The following BMPR2 variants were observed in gnomAD, a reference collection of about 807,000 sequenced individuals.
BMPR2 encodes bone morphogenetic protein receptor type 2.
BMPR2 carries 29 observed loss-of-function variants against 100.8 expected under a neutral mutation model. The observed-to-expected ratio is 0.29, with a 90% CI of 0.21 to 0.39. The LOEUF is 0.39. BMPR2 is among the 10% of genes least tolerant of loss of function. The pLI, the probability that BMPR2 is intolerant of heterozygous loss-of-function variation, is 1.00. For missense variants in BMPR2, 1,011 were observed against 1,274.5 expected (o/e 0.79, Z 3.15); for synonymous variants, 382 against 442.3 (o/e 0.86, Z 1.71).
At chr2:202,531,381 G>A (rs1263657881) in intron 8 of BMPR2, among the ~76,000 whole-genome samples, 2 of 152,002 alleles carry the variant, frequency 1.3e-5, no homozygotes, top group African/African-American at 4.8e-5. Context: ...ATCTCATAAA[G>A]GCCTTTGTAA....
At chr2:202,523,557 A>C (rs1687855729) in intron 7 of BMPR2, among the ~76,000 whole-genome samples, 1 of 152,118 alleles carries the variant, frequency 6.6e-6, no homozygotes, top group Non-Finnish European at 1.5e-5. Context: ...TAATCCCAGC[A>C]CTTTGGGAGG....
chr2:202,556,791 T>TA (rs1176201671), intron 12 of BMPR2, among the ~76,000 whole-genome samples: 2 of 147,828 alleles, frequency 1.4e-5, no homozygotes, highest in Non-Finnish European at 3.0e-5. Context: ...TACTAAAAAA[T>TA]AAAAAAAATT....
At chr2:202,486,404 G>C (rs914490978) in intron 3 of BMPR2, among the ~76,000 whole-genome samples, 10 of 152,090 alleles carry the variant, frequency 6.6e-5, no homozygotes, top group Non-Finnish European at 1.5e-4. Flanking sequence ...CAAGGCAAGC[G>C]GATCACTTGA....
chr2:202,510,159 C>G (rs903941436), intron 3 of BMPR2, among the ~76,000 whole-genome samples: 1 of 152,150 alleles, frequency 6.6e-6, no homozygotes, highest in African/African-American at 2.4e-5. Context: ...TGGCTTATGC[C>G]TATAATCCCA....
intron 3 of BMPR2, among the ~76,000 whole-genome samples, chr2:202,502,135 T>G (rs1192803317): frequency 2.6e-5 from 4 of 152,254 alleles, no homozygotes; most frequent in African/African-American, 9.6e-5. Context: ...ATAGCAAGTA[T>G]GCTTATCTAA....
chr2:202,465,161 G>A (rs978482319), intron 2 of BMPR2, among the ~76,000 whole-genome samples, 182 bp downstream of exon 2: 2 of 152,112 alleles, frequency 1.3e-5, no homozygotes, highest in Admixed American at 6.6e-5. Context: ...TGAGGTGGGC[G>A]GATCACTTGA....
intron 10 of BMPR2, among the ~76,000 whole-genome samples, chr2:202,551,862 ATTTTTT>A (rs35621004): frequency 7.7e-6 from 1 of 130,384 alleles, no homozygotes; most frequent in South Asian, 2.5e-4. Context: ...ATGCTGGCTA[ATTTTTT>A]TTTTTTTTTT....
At chr2:202,547,941 C>T (rs1171136723) in intron 10 of BMPR2, among the ~76,000 whole-genome samples, 1 of 151,514 alleles carries the variant, frequency 6.6e-6, no homozygotes, top group African/African-American at 2.4e-5. Context: ...AAAAATTAGC[C>T]GGACATGGTG....
rs987263575 is a variant in BMPR2, at chr2:202,457,330, GT to G, written c.77-7469del. On this transcript the variant is annotated intron_variant, in intron 1 of 12. Transcript: ENST00000374580. ...TATTCATTGCTTCAGATGATTAAGG[GT>G]TTTTTTTTTGTGCTCAGCCTTAATA... 7.9e-3 allele frequency among the ~76,000 whole-genome samples: 1,148 copies of G among 145,532 alleles called. 2 individuals carry two copies. The highest frequency in any genetic ancestry group is 0.023 in the East Asian group (117 of 4,996).
chr2:202,405,687 CAAAA>C (rs397987374), intron 1 of BMPR2, among the ~76,000 whole-genome samples: 5 of 62,328 alleles, frequency 8.0e-5, no homozygotes, highest in Non-Finnish European at 1.2e-4. Context: ...GACTCCGCCT[CAAAA>C]AAAAAAAAAA....
Position 202,555,707 on chromosome 2 carries a change from C to A in BMPR2, c.2042C>A (p.Ser681Tyr). The A allele has an allele frequency of 6.2e-7, 1 of 1,614,142 alleles. No individual in the cohort carries two copies. The highest frequency in any genetic ancestry group is 8.5e-7 in the Non-Finnish European group (1 of 1,180,038). ...GTTGATAAGAACCTCAAGGAAAGCT[C>A]TGATGAGAATCTCATGGAGCACTCT... ...KEVDKNLKES[S>Y]DENLMEHSLK... The change falls in exon 12 of 13, where the codon TCT (serine) becomes TAT (tyrosine). Residue 681 changes from serine (S) to tyrosine (Y), a missense_variant. Physicochemically the swap from Ser to Tyr is moderately radical, Grantham distance 144. Transcript: ENST00000374580.
chr2:202,564,666 G>A lies in BMPR2; in HGVS notation c.*4720G>A, dbSNP rs1410119408. The A allele has an allele frequency of 6.6e-6, 1 of 152,182 alleles. No individual in the cohort carries two copies. The highest frequency in any genetic ancestry group is 6.5e-5 in the Admixed American group (1 of 15,276). The allele number at this position is 152,182 out of a possible 1,614,324, so 9.4% of individuals were successfully genotyped here. A position where few individuals can be genotyped will look rare whatever the true frequency, so the allele number is the denominator to read the frequency against. On this transcript the variant is annotated 3_prime_UTR_variant, in exon 13 of 13. Coordinates refer to ENST00000374580, the MANE Select transcript of BMPR2 (RefSeq NM_001204.7). ...TACATAAAATTTGTTATCAAGAGAAGGCTTTTCTACAAGTTTCCAGATTAA... is the reference window on the plus strand; with the variant it reads ...TACATAAAATTTGTTATCAAGAGAAAGCTTTTCTACAAGTTTCCAGATTAA...
chr2:202,480,294 A>C (rs1057390167), intron 3 of BMPR2, among the ~76,000 whole-genome samples: 1 of 151,688 alleles, frequency 6.6e-6, no homozygotes, highest in Non-Finnish European at 1.5e-5. Flanking sequence ...CACCATGCCT[A>C]GCATTTGTAT....
At chr2:202,501,029 T>C (rs1687377592) in intron 3 of BMPR2, among the ~76,000 whole-genome samples, 1 of 152,168 alleles carries the variant, frequency 6.6e-6, no homozygotes, top group Non-Finnish European at 1.5e-5. Context: ...GGTTCTTCAA[T>C]ATGTGGATGA....
At chr2:202,433,447 C>T (rs1316872418) in intron 1 of BMPR2, among the ~76,000 whole-genome samples, 1 of 150,530 alleles carries the variant, frequency 6.6e-6, no homozygotes, top group Non-Finnish European at 1.5e-5. Flanking sequence ...GAAAAAAGCT[C>T]CTATCAAAGC....
chr2:202,395,257 T>C (rs146345190), intron 1 of BMPR2, among the ~76,000 whole-genome samples: 1 of 152,340 alleles, frequency 6.6e-6, no homozygotes, highest in East Asian at 1.9e-4. Context: ...TTGACTTGCC[T>C]TTCAACTTTT....
chr2:202,377,641 C>A, intron 1 of BMPR2, 91 bp downstream of exon 1: 1 of 1,435,228 alleles, frequency 7.0e-7, no homozygotes, highest in Admixed American at 1.7e-5. Context: ...GCTTGCCCTT[C>A]GCCATGCGTC....
chr2:202,513,027 C>G (rs1687652569), intron 3 of BMPR2, among the ~76,000 whole-genome samples: 1 of 149,968 alleles, frequency 6.7e-6, no homozygotes, highest in Admixed American at 6.7e-5. Context: ...TACAGTGATA[C>G]AATCATGGCT....
chr2:202,448,084 A>AT (rs1691889680), intron 1 of BMPR2, among the ~76,000 whole-genome samples: 1 of 149,704 alleles, frequency 6.7e-6, no homozygotes, highest in South Asian at 2.1e-4. Flanking sequence ...TATTCCCAGC[A>AT]TTTTTCCTGG....
Sources: allele counts gnomAD v4.1 joint callset (sites outside exome capture counted in the v4.1 genomes callset), GRCh38; gene constraint gnomAD v4.1.1; transcripts MANE v1.5; gene names NCBI Gene and HGNC (gene_info 2026-07-23, HGNC 2026-07-21).